PTPRD: variants seen among roughly 807,000 people sequenced by gnomAD.
The protein encoded by PTPRD is protein tyrosine phosphatase receptor type D.
A neutral mutation model predicts 214.5 loss-of-function variants in PTPRD; 34 were observed. That is an observed-to-expected ratio of 0.16 (90% CI 0.12 to 0.21). The LOEUF (loss-of-function observed/expected upper bound fraction) is 0.21, where lower values mean the gene tolerates loss of function less well. PTPRD is among the 10% of genes least tolerant of loss of function. The probability of loss-of-function intolerance (pLI) is 1.00; values close to 1 mark genes in which losing one functional copy is unlikely to be tolerated. For synonymous variants in PTPRD, 1,128 were observed against 845.7 expected (o/e 1.33, Z -5.79); for missense variants, 2,545 against 2,398.7 (o/e 1.06, Z -1.27).
chr9:9,330,928 T>C (rs1227613379), intron 9 of PTPRD, among the ~76,000 whole-genome samples: 2 of 151,478 alleles, frequency 1.3e-5, no homozygotes, highest in Non-Finnish European at 2.9e-5. Context: ...TGAAATGATA[T>C]CTTTGCAGCA....
intron 12 of PTPRD, among the ~76,000 whole-genome samples, chr9:8,710,212 T>G (rs531181046): frequency 2.5e-4 from 38 of 152,254 alleles, no homozygotes; most frequent in African/African-American, 9.1e-4. Context: ...CTACAACCCT[T>G]TGCAAGAAAG....
intron 14 of PTPRD, among the ~76,000 whole-genome samples, chr9:8,554,187 CAAACA>C (rs770760077): frequency 1.4e-4 from 21 of 151,884 alleles, no homozygotes; most frequent in Non-Finnish European, 1.5e-4. Flanking sequence ...GACTCTGTCT[CAAACA>C]AAACAAAACA....
At chr9:10,096,970 C>G (rs1591073290) in intron 3 of PTPRD, among the ~76,000 whole-genome samples, 2 of 151,932 alleles carry the variant, frequency 1.3e-5, no homozygotes, top group Non-Finnish European at 2.9e-5. Context: ...AGCCAATTTT[C>G]CCAGCACCAT....
At chr9:9,586,327 T>A (rs2091949181) in intron 7 of PTPRD, among the ~76,000 whole-genome samples, 1 of 152,012 alleles carries the variant, frequency 6.6e-6, no homozygotes, top group African/African-American at 2.4e-5. Context: ...TGACAGTATA[T>A]TGGTTTAATG....
At chr9:9,085,004 T>G (rs190476869) in intron 10 of PTPRD, among the ~76,000 whole-genome samples, 7 of 152,308 alleles carry the variant, frequency 4.6e-5, no homozygotes, top group African/African-American at 1.4e-4. Flanking sequence ...CCTTTAAAAC[T>G]TCTATCTTTG....
chr9:9,837,905 T>C (rs925227271), intron 5 of PTPRD, among the ~76,000 whole-genome samples: 2 of 152,202 alleles, frequency 1.3e-5, no homozygotes, highest in Admixed American at 6.5e-5. Flanking sequence ...TCTCCTAATG[T>C]TATCCCTCCC....
At position 9,045,187 on chromosome 9, in the gene PTPRD, T is replaced by C. The variant is rs111640257; in HGVS notation, c.-142-26452A>G. Among the ~76,000 whole-genome samples the C allele has an allele frequency of 5.8e-3, 881 of 152,234 alleles. 10 individuals are homozygous for C. The highest frequency in any genetic ancestry group is 0.02 in the African/African-American group (839 of 41,556). On this transcript the variant is annotated intron_variant, in intron 10 of 45. Transcript: ENST00000381196. ...GCACTTAGATGAATTACAAGTGACATATGGGAGCTCATTAAAGGAAGGTGA... is the reference window on the plus strand; with the variant it reads ...GCACTTAGATGAATTACAAGTGACACATGGGAGCTCATTAAAGGAAGGTGA...
intron 8 of PTPRD, among the ~76,000 whole-genome samples, chr9:9,533,531 T>C (rs891906246): frequency 6.6e-6 from 1 of 152,108 alleles, no homozygotes; most frequent in Non-Finnish European, 1.5e-5. Flanking sequence ...TTTTCTGTAA[T>C]TTTTCTATTT....
At chr9:8,522,350 C>T (rs915789303) in intron 19 of PTPRD, among the ~76,000 whole-genome samples, 2 of 152,030 alleles carry the variant, frequency 1.3e-5, no homozygotes, top group Admixed American at 6.6e-5. Context: ...TAAAGTATAA[C>T]GATTGAAACA....
At chr9:9,729,385 C>T (rs2098145787) in intron 7 of PTPRD, among the ~76,000 whole-genome samples, 1 of 152,072 alleles carries the variant, frequency 6.6e-6, no homozygotes, top group South Asian at 2.1e-4. Flanking sequence ...TTTTTATCTC[C>T]TCTGCACAGA....
At chr9:10,032,225 A>G (rs1198377350) in intron 4 of PTPRD, among the ~76,000 whole-genome samples, 2 of 152,198 alleles carry the variant, frequency 1.3e-5, no homozygotes, top group African/African-American at 2.4e-5. Flanking sequence ...GTTTCTTACT[A>G]TAGCCATTTA....
chr9:9,764,730 A>G (rs895907970), intron 6 of PTPRD, among the ~76,000 whole-genome samples: 3 of 152,160 alleles, frequency 2.0e-5, no homozygotes, highest in African/African-American at 7.2e-5. Flanking sequence ...TTTATATCTT[A>G]GGTAGCTTCT....
chr9:10,571,988 GAC>G (rs982367748), intron 2 of PTPRD, among the ~76,000 whole-genome samples: 2 of 152,094 alleles, frequency 1.3e-5, no homozygotes, highest in African/African-American at 4.8e-5. Flanking sequence ...AGGGGTTGGG[GAC>G]ACCTGATATA....
At chr9:9,534,715 G>T (rs2076172487) in intron 8 of PTPRD, among the ~76,000 whole-genome samples, 1 of 151,972 alleles carries the variant, frequency 6.6e-6, no homozygotes, top group Admixed American at 6.6e-5. Context: ...TCATAAATAG[G>T]GTAGAGAAAA....
At chr9:10,184,323 G>A (rs1023500323) in intron 3 of PTPRD, among the ~76,000 whole-genome samples, 11 of 152,130 alleles carry the variant, frequency 7.2e-5, no homozygotes, top group African/African-American at 2.4e-4. Flanking sequence ...TGCTCGGGAG[G>A]CTGAGGCATG....
chr9:9,467,416 G>C (rs867747820), intron 8 of PTPRD, among the ~76,000 whole-genome samples: 1 of 150,518 alleles, frequency 6.6e-6, no homozygotes, highest in South Asian at 2.1e-4. Flanking sequence ...AGTGAAATCT[G>C]TCTCTACTAA....
intron 3 of PTPRD, among the ~76,000 whole-genome samples, chr9:10,285,605 CTTT>C (rs34225956): frequency 1.1e-4 from 11 of 104,088 alleles, no homozygotes; most frequent in African/African-American, 2.7e-4. Context: ...GGGGTCTCAT[CTTT>C]TTTTTTTTTT....
At chr9:9,222,002 T>C (rs988639176) in intron 9 of PTPRD, among the ~76,000 whole-genome samples, 3 of 152,068 alleles carry the variant, frequency 2.0e-5, no homozygotes, top group African/African-American at 7.2e-5. Flanking sequence ...AATCAATCAA[T>C]GTTATAAAAT....
chr9:8,877,667 C>T (rs559811636), intron 11 of PTPRD, among the ~76,000 whole-genome samples: 15 of 152,256 alleles, frequency 9.9e-5, no homozygotes, highest in Admixed American at 7.8e-4. Flanking sequence ...ACTTTCAGAT[C>T]TCCATTAAAC....
Sources: gnomAD v4.1 joint callset for allele counts (sites outside exome capture counted in the v4.1 genomes callset) on GRCh38, gnomAD v4.1.1 for gene constraint, MANE v1.5 for transcripts, NCBI Gene and HGNC (gene_info 2026-07-23, HGNC 2026-07-21) for gene names.